The following CEP152 variants were observed in gnomAD, a reference collection of about 807,000 sequenced individuals.
The protein encoded by CEP152 is centrosomal protein 152.
CEP152 carries 132 observed loss-of-function variants against 188.9 expected under a neutral mutation model. The observed-to-expected ratio is 0.70, with a 90% CI of 0.61 to 0.81. The LOEUF is 0.81. CEP152 is among the 30% of genes least tolerant of loss of function. CEP152 has a pLI of 0.00. For synonymous variants in CEP152, 649 were observed against 666.6 expected, an observed-to-expected ratio of 0.97 and a Z score of 0.41; for missense variants, 1,914 against 1,969.8, an observed-to-expected ratio of 0.97 and a Z score of 0.54.
chr15:48,779,626 C>T (rs1376930822), intron 12 of CEP152, among the ~76,000 whole-genome samples: 2 of 152,110 alleles, frequency 1.3e-5, no homozygotes, highest in African/African-American at 2.4e-5. Flanking sequence ...GATAAGAAAA[C>T]AGGCTCAGAA....
At chr15:48,809,376 G>A (rs1300667294) in intron 1 of CEP152, among the ~76,000 whole-genome samples, 12 of 152,168 alleles carry the variant, frequency 7.9e-5, no homozygotes, top group Non-Finnish European at 1.8e-4. Flanking sequence ...CCCTCTCTTA[G>A]ATAGAGCCAC....
chr15:48,768,164 C>A, intron 15 of CEP152, 55 bp downstream of exon 15: 1 of 997,308 alleles, frequency 1.0e-6, no homozygotes, highest in East Asian at 2.4e-5. Context: ...AGGGCAGGGA[C>A]TTAGAGGGGA....
chr15:48,748,732 G>A (rs1893664117), intron 21 of CEP152, 122 bp from the exon 22 acceptor site: 11 of 1,038,940 alleles, frequency 1.1e-5, no homozygotes, highest in Non-Finnish European at 1.4e-5. Context: ...CAGCACGACT[G>A]AAAGAGTGTG....
At chr15:48,769,945 G>A (rs1264719960) in intron 13 of CEP152, among the ~76,000 whole-genome samples, 3 of 152,140 alleles carry the variant, frequency 2.0e-5, no homozygotes, top group African/African-American at 7.2e-5. Flanking sequence ...TATCTTTGAT[G>A]GGAAAAGAAT....
At chr15:48,768,627 A>G (rs1181302281) in intron 14 of CEP152, among the ~76,000 whole-genome samples, 2 of 152,242 alleles carry the variant, frequency 1.3e-5, no homozygotes, top group Non-Finnish European at 2.9e-5. Context: ...ATGCCTTAAA[A>G]TAAGTCTCAG....
chr15:48,743,726 G>A (rs1395570635), intron 24 of CEP152, among the ~76,000 whole-genome samples: 2 of 152,140 alleles, frequency 1.3e-5, no homozygotes, highest in Non-Finnish European at 2.9e-5. Flanking sequence ...AGCTGGGTGT[G>A]GTGATGCATG....
downstream of CEP152, among the ~76,000 whole-genome samples, chr15:48,734,491 A>T (rs1168938941): frequency 1.3e-5 from 2 of 151,892 alleles, no homozygotes; most frequent in African/African-American, 4.8e-5. Flanking sequence ...ATAACGAAAG[A>T]TACACAGTAA....
chr15:48,742,683 A>G (rs1043884317), intron 24 of CEP152, among the ~76,000 whole-genome samples: 5 of 152,166 alleles, frequency 3.3e-5, no homozygotes, highest in African/African-American at 1.2e-4. Context: ...TGAGACTACA[A>G]GGAGGGTGAT....
chr15:48,798,079 A>G (rs1171443758), intron 2 of CEP152, 28 bp from the exon 3 acceptor site: 2 of 1,581,864 alleles, frequency 1.3e-6, no homozygotes, highest in African/African-American at 2.7e-5. Flanking sequence ...CATCAATATC[A>G]TACCAACTTA....
intron 20 of CEP152, among the ~76,000 whole-genome samples, chr15:48,755,593 C>A (rs1894195936): frequency 1.3e-5 from 2 of 152,090 alleles, no homozygotes; most frequent in Non-Finnish European, 2.9e-5. Flanking sequence ...TGGTTTGCTG[C>A]ACCTATCAAC....
chr15:48,788,117 G>T lies in CEP152; in HGVS notation c.1173+684C>A, dbSNP rs188838394. ...GTTTTCTACTGGTTAAGCTTCCAAG[G>T]TAACCTCTCAAGTTCTAGCCAGCCG... is the stretch of plus-strand genomic sequence containing the variant. On this transcript the variant is annotated intron_variant, in intron 9 of 26. Transcript: ENST00000380950. Among the ~76,000 whole-genome samples, 203 of 152,234 alleles carry T rather than the reference G, an allele frequency of 1.3e-3. 1 individual carries two copies. Among genetic ancestry groups the T allele is most frequent in the African/African-American group, 4.6e-3 (189 of 41,536 alleles).
intron 19 of CEP152, 21 bp from the exon 20 acceptor site, chr15:48,756,574 C>T (rs747852295): frequency 1.3e-6 from 2 of 1,599,998 alleles, no homozygotes; most frequent in South Asian, 2.2e-5. Context: ...TAACAACATG[C>T]ATTTTGAAAG....
intron 23 of CEP152, 83 bp from the exon 24 acceptor site, chr15:48,744,426 C>G: frequency 1.3e-6 from 2 of 1,560,928 alleles, no homozygotes; most frequent in South Asian, 2.3e-5. Flanking sequence ...TCCATATACT[C>G]TAATAAAGTT....
intron 23 of CEP152, among the ~76,000 whole-genome samples, chr15:48,744,588 T>G (rs990872290): frequency 6.6e-6 from 1 of 152,084 alleles, no homozygotes; most frequent in African/African-American, 2.4e-5. Flanking sequence ...GAAAAACATA[T>G]GTAGGAGAAT....
chr15:48,781,193 T>C lies in CEP152; in HGVS notation c.1577+3A>G, dbSNP rs1196921831. On this transcript the variant is annotated splice_donor_region_variant and intron_variant, in intron 12 of 26. Transcript: ENST00000380950. ...ACAGTAAACTAAAATATTCTTTCCA[T>C]ACCTGGTAACTTTGGATTTTTTCCA... 2 of 1,612,868 alleles carry C rather than the reference T, an allele frequency of 1.2e-6. No individual in the cohort carries two copies. Among genetic ancestry groups the C allele is most frequent in the South Asian group, 1.1e-5 (1 of 91,058 alleles).
At position 48,797,564 on chromosome 15, in the gene CEP152, G is replaced by C; in HGVS notation, c.277C>G (p.Gln93Glu). The change falls in exon 5 of 27, where the codon CAG becomes GAG. Residue 93 changes from glutamine to glutamate, a missense_variant. Gln to Glu is a conservative substitution (Grantham distance 29). Coordinates refer to ENST00000380950, the MANE Select transcript of CEP152 (RefSeq NM_001194998.2). ...CATTTTTCTCCAGCATATAAACTCT[G>C]AATTTCATTATAGCCCTATTAGATA... is the stretch of plus-strand genomic sequence containing the variant. ...SQSVNGYNEIQSLYAGEKCGN... is the reference protein window; with the variant it reads ...SQSVNGYNEIESLYAGEKCGN... 6.2e-7 allele frequency: 1 copy of C among 1,613,984 alleles called. No individual in the cohort carries two copies. Among genetic ancestry groups the C allele is most frequent in the Non-Finnish European group, 8.5e-7 (1 of 1,179,994 alleles).
In CEP152 at chr15:48,797,553, A is replaced by G. The variant is rs776280718; in HGVS notation, c.288T>C (p.Tyr96=). The G allele has an allele frequency of 9.3e-6, 15 of 1,614,002 alleles. No individual in the cohort carries two copies. In the Admixed American group the frequency reaches 2.5e-4, roughly 27 times the overall value. The change falls in exon 5 of 27, where the codon TAT becomes TAC. Residue 96 remains tyrosine, a synonymous_variant. Transcript: ENST00000380950. ...VNGYNEIQSL[Y]AGEKCGNVWE... ...AGACATTACCACATTTTTCTCCAGC[A>G]TATAAACTCTGAATTTCATTATAGC...
At position 48,741,929 on chromosome 15, in the gene CEP152, TG is replaced by T. The variant is rs1173078019; in HGVS notation, c.3989+17del. ...TTGTCCTGGTAATCTCAGGACACAT[TG>T]TTCAGACTGAACTCACCCTTCTTTT... On this transcript the variant is annotated intron_variant, in intron 25 of 26. Coordinates refer to ENST00000380950, the MANE Select transcript of CEP152 (RefSeq NM_001194998.2). 6.2e-7 allele frequency: 1 copy of T among 1,614,168 alleles called. No homozygotes were observed. Among genetic ancestry groups the T allele is most frequent in the South Asian group, 1.1e-5 (1 of 91,084 alleles).
chr15:48,808,209 T>C (rs918666000), intron 1 of CEP152, among the ~76,000 whole-genome samples: 7 of 151,464 alleles, frequency 4.6e-5, no homozygotes, highest in African/African-American at 1.5e-4. Context: ...TCATTATCAC[T>C]GCTACCAGAG....
Sources: gnomAD v4.1 joint callset for allele counts (sites outside exome capture counted in the v4.1 genomes callset) on GRCh38, gnomAD v4.1.1 for gene constraint, MANE v1.5 for transcripts, NCBI Gene and HGNC (gene_info 2026-07-23, HGNC 2026-07-21) for gene names.